TRPC4AP: variants seen among roughly 807,000 people sequenced by gnomAD.
The protein encoded by TRPC4AP is short transient receptor potential channel 4-associated protein.
A neutral mutation model predicts 99.0 loss-of-function variants in TRPC4AP; 45 were observed. The ratio of observed to expected loss-of-function variants is 0.45; its 90% CI spans 0.36 to 0.58. The LOEUF (loss-of-function observed/expected upper bound fraction) is 0.58, where lower values mean the gene tolerates loss of function less well. Ranked by LOEUF, TRPC4AP falls within the 20% of genes least tolerant of loss-of-function variation. TRPC4AP has a pLI of 0.00. For synonymous variants in TRPC4AP, 408 were observed against 385.8 expected, an observed-to-expected ratio of 1.06 and a Z score of -0.67; for missense variants, 879 against 985.3, an observed-to-expected ratio of 0.89 and a Z score of 1.44.
At chr20:35,044,761 G>A (rs757329774) in intron 6 of TRPC4AP, 49 bp from the exon 7 acceptor site, 44 of 1,576,992 alleles carry the variant, frequency 2.8e-5, no homozygotes. Flanking sequence ...TCACTCAAGA[G>A]ATTGGATGTG....
intron 3 of TRPC4AP, among the ~76,000 whole-genome samples, chr20:35,064,468 G>A (rs1162725148): frequency 1.3e-5 from 2 of 152,222 alleles, no homozygotes; most frequent in Admixed American, 1.3e-4. Context: ...TGGCATGAAT[G>A]TGACACTATA....
At chr20:35,089,780 A>C (rs1475038920) in intron 1 of TRPC4AP, among the ~76,000 whole-genome samples, 2 of 152,138 alleles carry the variant, frequency 1.3e-5, no homozygotes, top group South Asian at 2.1e-4. Context: ...CGGGAGACGG[A>C]GGATGCAGTG....
chr20:35,013,600 CA>C (rs1485407385), intron 10 of TRPC4AP, among the ~76,000 whole-genome samples: 4 of 152,084 alleles, frequency 2.6e-5, no homozygotes, highest in Admixed American at 2.0e-4. Context: ...AACCAACAAA[CA>C]AAACAACACG....
At chr20:35,084,225 G>T (rs1036883734) in intron 1 of TRPC4AP, among the ~76,000 whole-genome samples, 1 of 150,780 alleles carries the variant, frequency 6.6e-6, no homozygotes, top group African/African-American at 2.4e-5. Context: ...AGCCGAGATT[G>T]CGCCATTCCA....
chr20:35,057,387 G>A (rs1428352822), intron 4 of TRPC4AP, 127 bp downstream of exon 4: 1 of 721,554 alleles, frequency 1.4e-6, no homozygotes, highest in African/African-American at 1.8e-5. Flanking sequence ...AGAGCAACCT[G>A]TAGCTAAATG....
Position 35,021,214 on chromosome 20 carries a change from C to T in TRPC4AP, c.1194G>A (p.Leu398=). The change falls in exon 9 of 19, where the codon CTG becomes CTA. Residue 398 remains leucine (L), a synonymous_variant. Transcript: ENST00000252015. ...CCTGGTTTCGCTGACGCCCCATCAG[C>T]AGCACGCAGAGGACATAGAGCACTT... ...KLEVLYVLCV[L]LMGRQRNQVH... 2.5e-6 allele frequency: 4 copies of T among 1,613,522 alleles called. No homozygotes were observed. The highest frequency in any genetic ancestry group is 3.4e-6 in the Non-Finnish European group (4 of 1,179,542).
At position 35,002,443 on chromosome 20, in the gene TRPC4AP, T is replaced by C; in HGVS notation, c.*703A>G. On this transcript the variant is annotated 3_prime_UTR_variant, in exon 19 of 19. Transcript: ENST00000252015. The stretch of plus-strand genomic sequence containing the variant: ...AAGTTATTTAATAGTCTCCATTTAA[T>C]TGGTTTATTTGCTGTTAATAAATTG... 1 of 392,188 alleles carries C rather than the reference T, an allele frequency of 2.5e-6. No individual in the cohort carries two copies. The highest frequency in any genetic ancestry group is 4.5e-6 in the Non-Finnish European group (1 of 223,034). The allele number at this position is 392,188 out of a possible 1,614,324, so 24.3% of individuals were successfully genotyped here.
At position 35,007,577 on chromosome 20, in the gene TRPC4AP, C is replaced by T. The variant is rs765458177; in HGVS notation, c.1659G>A (p.Met553Ile). The T allele has an allele frequency of 3.6e-5, 58 of 1,614,080 alleles. No individual in the cohort carries two copies. The highest frequency in any genetic ancestry group is 2.5e-4 in the Admixed American group (15 of 59,996). The change falls in exon 14 of 19, where the codon ATG (methionine) becomes ATA (isoleucine). Residue 553 changes from methionine to isoleucine, a missense_variant. By Grantham distance (10) the Met-to-Ile change is conservative. Coordinates refer to ENST00000252015, the MANE Select transcript of TRPC4AP (RefSeq NM_015638.3). ...CCAAGAGGCCTCGCTTCAGCAGGAA[C>T]ATCTGGTCTGCATAGGAGGTGGTCC... Reference protein sequence around the residue: ...LRGTTSYADQMFLLKRGLLEH... With the variant: ...LRGTTSYADQIFLLKRGLLEH...
intron 1 of TRPC4AP, 151 bp downstream of exon 1, chr20:35,092,463 G>C (rs1045753761): frequency 2.1e-6 from 2 of 956,850 alleles, no homozygotes; most frequent in Non-Finnish European, 2.9e-6. Flanking sequence ...CGCTGCAGCT[G>C]AGAGCGTCCG....
chr20:35,050,695 A>T (rs1390530205), intron 5 of TRPC4AP, among the ~76,000 whole-genome samples: 2 of 148,178 alleles, frequency 1.3e-5, no homozygotes, highest in Non-Finnish European at 3.0e-5. Context: ...CCTTGGCAAC[A>T]GAGGGAGACC....
chr20:35,024,809 C>G (rs2082980711), intron 8 of TRPC4AP, among the ~76,000 whole-genome samples: 2 of 110,296 alleles, frequency 1.8e-5, no homozygotes, highest in Non-Finnish European at 3.4e-5. Context: ...GCCTAGGTGA[C>G]AGAGAGAGAC....
rs1271604885 is a variant in TRPC4AP, at chr20:35,024,391, T to G, written c.1052-3035A>C. Reference sequence around the variant, plus strand: ...CTATGCAATTGCCTGTTCAGGACACTTCATATTAATGAACTCATGCAATAT... The same window carrying G: ...CTATGCAATTGCCTGTTCAGGACACGTCATATTAATGAACTCATGCAATAT... On this transcript the variant is annotated intron_variant, in intron 8 of 18. Coordinates refer to ENST00000252015, the MANE Select transcript of TRPC4AP (RefSeq NM_015638.3). Among the ~76,000 whole-genome samples the G allele has an allele frequency of 2.0e-5, 3 of 152,194 alleles. No homozygotes were observed. In the East Asian group the frequency reaches 5.8e-4, roughly 29 times the overall value.
At chr20:35,014,286 G>C (rs1292777014) in intron 10 of TRPC4AP, among the ~76,000 whole-genome samples, 3 of 151,178 alleles carry the variant, frequency 2.0e-5, no homozygotes, top group Admixed American at 6.6e-5. Context: ...AGATTACAAG[G>C]GGAAGTGGCT....
At chr20:35,031,219 T>A (rs1874435676) in intron 8 of TRPC4AP, among the ~76,000 whole-genome samples, 1 of 151,896 alleles carries the variant, frequency 6.6e-6, no homozygotes, top group Non-Finnish European at 1.5e-5. Flanking sequence ...TTTCAAGATT[T>A]TCTTATCTTT....
At chr20:35,045,357 T>C (rs2083535163) in intron 6 of TRPC4AP, among the ~76,000 whole-genome samples, 1 of 152,186 alleles carries the variant, frequency 6.6e-6, no homozygotes. Flanking sequence ...CCCGCCGTTT[T>C]ACCCCACAGT....
chr20:35,019,037 C>A (rs1419831090), intron 9 of TRPC4AP, among the ~76,000 whole-genome samples: 2 of 152,190 alleles, frequency 1.3e-5, no homozygotes, highest in African/African-American at 4.8e-5. Flanking sequence ...ACATGGGGAG[C>A]CTTTCCAGTC....
chr20:35,073,577 T>C (rs930099324), intron 2 of TRPC4AP, among the ~76,000 whole-genome samples: 2 of 152,214 alleles, frequency 1.3e-5, no homozygotes, highest in African/African-American at 4.8e-5. Context: ...ATTACGTTTA[T>C]TGATTTGCAT....
At chr20:35,006,325 T>A (rs2082514957) in intron 15 of TRPC4AP, 110 bp downstream of exon 15, 3 of 1,298,232 alleles carry the variant, frequency 2.3e-6, no homozygotes, top group South Asian at 2.7e-5. Flanking sequence ...CTGCCCAGAC[T>A]CCCCCGTCGT....
chr20:35,031,945 G>A (rs1274741875), intron 8 of TRPC4AP, among the ~76,000 whole-genome samples: 1 of 152,138 alleles, frequency 6.6e-6, no homozygotes, highest in Non-Finnish European at 1.5e-5. Context: ...AGGCGCAACT[G>A]CAGTGGCACC....
Sources: allele counts gnomAD v4.1 joint callset (sites outside exome capture counted in the v4.1 genomes callset), GRCh38; gene constraint gnomAD v4.1.1; transcripts MANE v1.5; gene names NCBI Gene and HGNC (gene_info 2026-07-23, HGNC 2026-07-21).